Variants in CLNK observed in about 807,000 individuals in gnomAD.
CLNK encodes the protein cytokine dependent hematopoietic cell linker.
In CLNK, 74 loss-of-function variants were observed where a neutral mutation model predicts 68.6. That is an observed-to-expected ratio of 1.08 (90% CI 0.89 to 1.31). CLNK has a LOEUF of 1.31. Among genes scored for constraint, CLNK ranks in the 50% most tolerant of loss-of-function variants. The pLI is 0.00. For missense variants in CLNK, 553 were observed against 515.3 expected, an observed-to-expected ratio of 1.07 and a Z score of -0.71; for synonymous variants, 198 against 172.2, an observed-to-expected ratio of 1.15 and a Z score of -1.17.
At position 10,490,520 on chromosome 4, in the gene CLNK, G is replaced by A. The variant is rs1446609787; in HGVS notation, c.1234C>T (p.Gln412Ter). 1.2e-6 allele frequency: 2 copies of A among 1,612,202 alleles called. No homozygotes were observed. The highest frequency in any genetic ancestry group is 2.2e-5 in the East Asian group (1 of 44,868). ...GKDKTGVHRK[Q>*]CHLTQPLPLT... is the part of the protein sequence containing the mutation. ...GGGAGTGGCTGAGTGAGGTGACACT[G>A]TTTCCTGTGGACCCCAGTTTTATCT... Residue 412 changes from glutamine to a stop codon, truncating the protein, a stop_gained, in exon 19 of 19, where the codon CAG becomes TAG. Coordinates refer to ENST00000226951, the MANE Select transcript of CLNK (RefSeq NM_052964.4). LOFTEE classifies it high-confidence loss of function.
the CLNK span, among the ~76,000 whole-genome samples, chr4:10,706,110 G>A: frequency 6.6e-6 from 1 of 152,212 alleles, no homozygotes; most frequent in Non-Finnish European, 1.5e-5. Context: ...TCACATACTT[G>A]CATTTTACAA....
At chr4:10,683,398 C>G (rs529501959) in intron 1 of CLNK, among the ~76,000 whole-genome samples, 1 of 152,144 alleles carries the variant, frequency 6.6e-6, no homozygotes, top group African/African-American at 2.4e-5. Flanking sequence ...AGAAATACTA[C>G]CATTTAGATG....
At chr4:10,632,043 G>A (rs1722914080) in intron 2 of CLNK, among the ~76,000 whole-genome samples, 1 of 152,228 alleles carries the variant, frequency 6.6e-6, no homozygotes, top group South Asian at 2.1e-4. Flanking sequence ...CTTGTCTAGG[G>A]TGTTTACCTG....
chr4:10,702,476 C>T, the CLNK span, among the ~76,000 whole-genome samples: 135 of 152,116 alleles, frequency 8.9e-4, no homozygotes, highest in African/African-American at 3.1e-3. Flanking sequence ...GGAGATCTGC[C>T]GAGAATGATG....
At chr4:10,557,056 A>G (rs1719699864) in intron 8 of CLNK, among the ~76,000 whole-genome samples, 1 of 150,346 alleles carries the variant, frequency 6.7e-6, no homozygotes. Context: ...AGCCTGGGCA[A>G]CAGAGCGAGA....
chr4:10,709,541 A>C, the CLNK span, among the ~76,000 whole-genome samples: 1 of 152,154 alleles, frequency 6.6e-6, no homozygotes, highest in Non-Finnish European at 1.5e-5. Context: ...TAATGGCAAA[A>C]AATGGCCATA....
chr4:10,599,687 A>G (rs1376847486), intron 2 of CLNK, among the ~76,000 whole-genome samples: 1 of 152,128 alleles, frequency 6.6e-6, no homozygotes, highest in Non-Finnish European at 1.5e-5. Flanking sequence ...CCTGGGTGCT[A>G]ATCTTGAGTC....
intron 2 of CLNK, among the ~76,000 whole-genome samples, chr4:10,642,079 T>A (rs1723327386): frequency 6.6e-6 from 1 of 152,190 alleles, no homozygotes; most frequent in Admixed American, 6.5e-5. Context: ...GAAAATGGAC[T>A]AAAACACCTA....
intron 3 of CLNK, among the ~76,000 whole-genome samples, chr4:10,587,514 G>C (rs915855038): frequency 1.3e-5 from 2 of 152,114 alleles, no homozygotes; most frequent in African/African-American, 4.8e-5. Context: ...CGCAACACAC[G>C]CCAGGTGTAA....
In CLNK at chr4:10,684,730, C is replaced by A. The variant is rs972878038; in HGVS notation, c.-105G>T. 1 of 152,164 alleles carries A rather than the reference C, an allele frequency of 6.6e-6. No individual in the cohort carries two copies. Among genetic ancestry groups the A allele is most frequent in the African/African-American group, 2.4e-5 (1 of 41,392 alleles). 9.4% of individuals were successfully genotyped at this position (152,164 alleles called of 1,614,324 possible). A position where few individuals can be genotyped will look rare whatever the true frequency, so the allele number is the denominator to read the frequency against. The stretch of plus-strand genomic sequence containing the variant: ...GGTGTCCGTCTCCTGTGAGGAGGGG[C>A]GGCAGTGCAGAGACCTTGGGGCACT... On this transcript the variant is annotated 5_prime_UTR_variant, in exon 1 of 19. Transcript: ENST00000226951.
chr4:10,679,113 C>A (rs899092084), intron 1 of CLNK, among the ~76,000 whole-genome samples: 9 of 152,184 alleles, frequency 5.9e-5, no homozygotes, highest in African/African-American at 2.2e-4. Context: ...TGACTTCAAA[C>A]TATACTACAA....
chr4:10,724,119 T>C, the CLNK span, among the ~76,000 whole-genome samples: 1 of 152,188 alleles, frequency 6.6e-6, no homozygotes, highest in Non-Finnish European at 1.5e-5. Flanking sequence ...CTAAAGGAAC[T>C]GTATAAGGGC....
chr4:10,502,534 C>G (rs1467375049), intron 17 of CLNK, among the ~76,000 whole-genome samples: 1 of 151,866 alleles, frequency 6.6e-6, no homozygotes, highest in Non-Finnish European at 1.5e-5. Flanking sequence ...CTCCTGCCCC[C>G]TTCTTGATGT....
At chr4:10,621,754 G>A (rs533351513) in intron 2 of CLNK, among the ~76,000 whole-genome samples, 1 of 152,332 alleles carries the variant, frequency 6.6e-6, no homozygotes, top group Admixed American at 6.5e-5. Context: ...TCTGGGGCCT[G>A]TGGCTTCTCT....
intron 18 of CLNK, among the ~76,000 whole-genome samples, chr4:10,493,412 C>T (rs574113224): frequency 1.3e-5 from 2 of 152,142 alleles, no homozygotes; most frequent in African/African-American, 2.4e-5. Context: ...AGTCCAAGAT[C>T]GAGGCACTGG....
chr4:10,618,213 ACG>A (rs1434536148), intron 2 of CLNK, among the ~76,000 whole-genome samples: 1 of 152,244 alleles, frequency 6.6e-6, no homozygotes, highest in Non-Finnish European at 1.5e-5. Context: ...AAACTGTTAC[ACG>A]CGCTACATCA....
chr4:10,682,500 C>T (rs546240519), intron 1 of CLNK, among the ~76,000 whole-genome samples: 1 of 152,342 alleles, frequency 6.6e-6, no homozygotes, highest in African/African-American at 2.4e-5. Context: ...GCTATCTCTT[C>T]TGTGTCAGAC....
In CLNK at chr4:10,619,524, A is replaced by G. The variant is rs1213275865; in HGVS notation, c.12-21475T>C. On this transcript the variant is annotated intron_variant, in intron 2 of 18. Transcript: ENST00000226951. Reference sequence around the variant, plus strand: ...CTGCTCTCTGTGTGGCAATGACTTCACTAATTAAGTGTTGGAATTAGCTTC... The same window carrying G: ...CTGCTCTCTGTGTGGCAATGACTTCGCTAATTAAGTGTTGGAATTAGCTTC... 3.3e-5 allele frequency among the ~76,000 whole-genome samples: 5 copies of G among 152,286 alleles called. No homozygotes were observed. The East Asian group carries it at 9.7e-4, about 29-fold the overall frequency.
intron 2 of CLNK, among the ~76,000 whole-genome samples, chr4:10,652,336 C>A (rs552248215): frequency 1.5e-5 from 2 of 137,926 alleles, no homozygotes; most frequent in South Asian, 4.7e-4. Flanking sequence ...GAGTGGAGAT[C>A]GCGCCACTTC....
Sources: gnomAD v4.1 joint callset for allele counts (sites outside exome capture counted in the v4.1 genomes callset) on GRCh38, gnomAD v4.1.1 for gene constraint, MANE v1.5 for transcripts, NCBI Gene and HGNC (gene_info 2026-07-23, HGNC 2026-07-21) for gene names.